Variants in SUPT3H observed in about 807,000 individuals in gnomAD.
The protein encoded by SUPT3H is transcription initiation protein SPT3 homolog.
A neutral mutation model predicts 44.3 loss-of-function variants in SUPT3H; 44 were observed. That is an observed-to-expected ratio of 0.99 (90% CI 0.78 to 1.28). The LOEUF is 1.28. Among genes scored for constraint, SUPT3H ranks in the 50% most tolerant of loss-of-function variants. SUPT3H has a pLI of 0.00. For missense variants in SUPT3H, 380 were observed against 387.1 expected, an observed-to-expected ratio of 0.98 and a Z score of 0.15; for synonymous variants, 124 against 125.6, an observed-to-expected ratio of 0.99 and a Z score of 0.09.
intron 6 of SUPT3H, among the ~76,000 whole-genome samples, chr6:44,979,898 G>A (rs1475212035): frequency 6.6e-6 from 1 of 152,106 alleles, no homozygotes; most frequent in Non-Finnish European, 1.5e-5. Context: ...AATTTTTATA[G>A]TAGACCAGGT....
At chr6:45,178,147 C>A (rs1031017345) in intron 2 of SUPT3H, among the ~76,000 whole-genome samples, 2 of 151,862 alleles carry the variant, frequency 1.3e-5, no homozygotes, top group South Asian at 4.2e-4. Flanking sequence ...GAGTCAAGAC[C>A]CATCAGTGTG....
intron 2 of SUPT3H, among the ~76,000 whole-genome samples, chr6:45,256,481 C>T (rs1048714236): frequency 2.6e-5 from 4 of 152,116 alleles, no homozygotes; most frequent in Non-Finnish European, 5.9e-5. Context: ...TACCTAATCA[C>T]CTCCTAAAAG....
chr6:45,260,271 G>T (rs1248689035), intron 2 of SUPT3H, among the ~76,000 whole-genome samples: 3 of 152,080 alleles, frequency 2.0e-5, no homozygotes, highest in Middle Eastern at 3.2e-3. Flanking sequence ...CCAAGTCAAA[G>T]AATATGTTTC....
rs536355734 is a variant in SUPT3H at position 44,841,358 on chromosome 6, C to A, written c.913-11501G>T. Among the ~76,000 whole-genome samples the A allele has an allele frequency of 2.0e-5, 3 of 152,148 alleles. No homozygotes were observed. The East Asian group carries it at 5.8e-4, about 29-fold the overall frequency. The stretch of plus-strand genomic sequence containing the variant: ...AAATACTGTTCAAGTTTAGGTAATC[C>A]GTGCTATGCTGTGAATATGGTTTTT... On this transcript the variant is annotated intron_variant, in intron 10 of 10. Transcript: ENST00000371459.
chr6:44,902,756 C>G (rs1180242341), intron 10 of SUPT3H, among the ~76,000 whole-genome samples: 1 of 152,134 alleles, frequency 6.6e-6, no homozygotes, highest in Non-Finnish European at 1.5e-5. Context: ...TGCACTTACT[C>G]CAAAATTGAC....
chr6:45,158,574 C>T (rs1332495097), intron 2 of SUPT3H, among the ~76,000 whole-genome samples: 17 of 149,660 alleles, frequency 1.1e-4, no homozygotes. Flanking sequence ...CTAGATCAGA[C>T]ATTTTTGGAA....
intron 2 of SUPT3H, among the ~76,000 whole-genome samples, chr6:45,239,588 G>A (rs1853651): frequency 0.23 from 34,582 of 152,168 alleles, 4,617 homozygotes; most frequent in Non-Finnish European, 0.31. Context: ...GCTTGTGTAC[G>A]TGTATGTGTG....
At chr6:44,868,838 CA>C (rs978357802) in intron 10 of SUPT3H, among the ~76,000 whole-genome samples, 11 of 152,206 alleles carry the variant, frequency 7.2e-5, no homozygotes, top group African/African-American at 2.2e-4. Context: ...GCTAAAGTCA[CA>C]ACTGCAGACC....
At position 44,904,073 on chromosome 6, in the gene SUPT3H, C is replaced by T. The variant is rs184397954; in HGVS notation, c.912+28580G>A. Among the ~76,000 whole-genome samples the T allele has an allele frequency of 2.2e-3, 334 of 152,278 alleles. 1 individual carries two copies. Among genetic ancestry groups the T allele is most frequent in the African/African-American group, 7.6e-3 (317 of 41,542 alleles). ...TCTATGACAAACCCATAGCCAATAT[C>T]ATACAGAATGGGCAAAAACCGGAAG... is the stretch of plus-strand genomic sequence containing the variant. On this transcript the variant is annotated intron_variant, in intron 10 of 10. Transcript: ENST00000371459.
intron 2 of SUPT3H, among the ~76,000 whole-genome samples, chr6:45,189,349 T>TA (rs904221066): frequency 7.9e-5 from 12 of 152,192 alleles, no homozygotes; most frequent in African/African-American, 2.9e-4. Flanking sequence ...AGATAGTCTC[T>TA]AAAATGAAAA....
chr6:45,295,548 A>AAAAAAAAAC lies in SUPT3H; in HGVS notation c.101+69652_101+69653insGTTTTTTTT, dbSNP rs1554330142. Among the ~76,000 whole-genome samples the AAAAAAAAAC allele has an allele frequency of 2.0e-4, 18 of 90,244 alleles. 3 individuals carry two copies. The highest frequency in any genetic ancestry group is 3.8e-4 in the African/African-American group (9 of 23,590). The allele number at this position is 90,244 out of a possible 152,430, so 59.2% of individuals were successfully genotyped here. A position where few individuals can be genotyped will look rare whatever the true frequency, so the allele number is the denominator to read the frequency against. The stretch of plus-strand genomic sequence containing the variant: ...GCAAAAAAAAAAAAAAAAAAAAAAA[A>AAAAAAAAAC]AAAAAACAGCAGAGTCAACAGACAA... On this transcript the variant is annotated intron_variant, in intron 2 of 10. Coordinates refer to ENST00000371459, the MANE Select transcript of SUPT3H (RefSeq NM_003599.4).
intron 2 of SUPT3H, among the ~76,000 whole-genome samples, chr6:45,255,083 T>C (rs1013532428): frequency 6.6e-6 from 1 of 152,188 alleles, no homozygotes; most frequent in Non-Finnish European, 1.5e-5. Context: ...CATATTGCTA[T>C]GATTGTACTA....
At chr6:44,897,425 T>A (rs1561992391) in intron 10 of SUPT3H, among the ~76,000 whole-genome samples, 1 of 152,226 alleles carries the variant, frequency 6.6e-6, no homozygotes, top group Non-Finnish European at 1.5e-5. Context: ...TGTGGTCTTT[T>A]ATCCAACAGA....
chr6:45,176,267 C>T (rs1467833027), intron 2 of SUPT3H, among the ~76,000 whole-genome samples: 4 of 151,660 alleles, frequency 2.6e-5, no homozygotes, highest in Non-Finnish European at 2.9e-5. Context: ...ACCTGGGAAG[C>T]GCGAGGGGTC....
chr6:45,303,671 TAAAAAAAAA>T lies in SUPT3H; in HGVS notation c.101+61521_101+61529del, dbSNP rs36119324. On this transcript the variant is annotated intron_variant, in intron 2 of 10. Transcript: ENST00000371459. ...ATGAGATGTTGCCTGATTCTAGAAG[TAAAAAAAAA>T]AAAAAAAAAAAAGAAACAAACAAAA... Among the ~76,000 whole-genome samples the T allele has an allele frequency of 2.7e-5, 3 of 113,054 alleles. No homozygotes were observed. The East Asian group carries it at 7.3e-4, about 27-fold the overall frequency. The allele number at this position is 113,054 out of a possible 152,430, so 74.2% of individuals were successfully genotyped here. A position where few individuals can be genotyped will look rare whatever the true frequency, so the allele number is the denominator to read the frequency against.
chr6:44,856,498 C>A (rs1323471588), intron 10 of SUPT3H, among the ~76,000 whole-genome samples: 3 of 152,178 alleles, frequency 2.0e-5, no homozygotes, highest in Non-Finnish European at 4.4e-5. Context: ...TTCCCTCATG[C>A]ATTTATGGAA....
chr6:45,328,927 T>C, intron 2 of SUPT3H: 2 of 886,432 alleles, frequency 2.3e-6, no homozygotes. Flanking sequence ...AATTGAAAAA[T>C]GAAATTTCTG....
intron 3 of SUPT3H, among the ~76,000 whole-genome samples, chr6:45,094,510 A>C (rs1797544280): frequency 6.6e-6 from 1 of 152,128 alleles, no homozygotes; most frequent in African/African-American, 2.4e-5. Context: ...CAGCAGGAAA[A>C]AAATATGTTA....
intron 2 of SUPT3H, among the ~76,000 whole-genome samples, chr6:45,228,256 T>C (rs1767293405): frequency 6.6e-6 from 1 of 152,200 alleles, no homozygotes; most frequent in Non-Finnish European, 1.5e-5. Flanking sequence ...TGAGAATGTT[T>C]TGGGATGAGA....
Sources: gnomAD v4.1 joint callset for allele counts (sites outside exome capture counted in the v4.1 genomes callset) on GRCh38, gnomAD v4.1.1 for gene constraint, MANE v1.5 for transcripts, NCBI Gene and HGNC (gene_info 2026-07-23, HGNC 2026-07-21) for gene names.